The following MYO5B variants were observed in gnomAD, a reference collection of about 807,000 sequenced individuals.
MYO5B encodes the protein myosin VB, also known as unconventional myosin-Vb.
In MYO5B, 143 loss-of-function variants were observed where a neutral mutation model predicts 229.3. The observed-to-expected ratio is 0.62, with a 90% CI of 0.54 to 0.72. The LOEUF (loss-of-function observed/expected upper bound fraction) is 0.72, where lower values mean the gene tolerates loss of function less well. Among genes scored for constraint, MYO5B ranks in the 30% least tolerant of loss-of-function variants. The probability of loss-of-function intolerance (pLI) is 0.00; values close to 1 mark genes in which losing one functional copy is unlikely to be tolerated. For missense variants in MYO5B, 2,321 were observed against 2,331.0 expected (o/e 1.00, Z 0.09); for synonymous variants, 918 against 885.2 (o/e 1.04, Z -0.66).
intron 36 of MYO5B, 40 bp from the exon 37 acceptor site, chr18:49,837,842 C>A: frequency 6.2e-7 from 1 of 1,608,850 alleles, no homozygotes; most frequent in Non-Finnish European, 8.5e-7. Flanking sequence ...GCATTCCCCA[C>A]TAACAATGCA....
intron 4 of MYO5B, among the ~76,000 whole-genome samples, chr18:50,024,059 A>C (rs1385853145): frequency 6.6e-6 from 1 of 152,212 alleles, no homozygotes; most frequent in Non-Finnish European, 1.5e-5. Context: ...CAGGAAGAAA[A>C]ATCTCTGCTT....
At chr18:50,083,322 TTGA>T (rs1298150688) in intron 1 of MYO5B, among the ~76,000 whole-genome samples, 1 of 152,120 alleles carries the variant, frequency 6.6e-6, no homozygotes, top group Non-Finnish European at 1.5e-5. Flanking sequence ...AGATTAGCCA[TTGA>T]TGATTGACTC....
intron 1 of MYO5B, among the ~76,000 whole-genome samples, chr18:50,191,838 G>A (rs946801958): frequency 6.6e-6 from 1 of 152,200 alleles, no homozygotes; most frequent in Non-Finnish European, 1.5e-5. Context: ...CACTAAGAAA[G>A]TTAAGTCATC....
In MYO5B at chr18:49,962,955, G is replaced by A. The variant is rs765665338; in HGVS notation, c.1398C>T (p.Phe466=). ...NYANEKLQQQ[F]NSHVFKLEQE... is the part of the protein sequence containing the mutation. ...GTCTAGAAACCAAGCCTACCGAGTT[G>A]AACTGCTGCTGGAGCTTTTCATTTG... The change falls in exon 11 of 40, where the codon TTC becomes TTT. Residue 466 remains phenylalanine (F), a synonymous_variant. Coordinates refer to ENST00000285039, the MANE Select transcript of MYO5B (RefSeq NM_001080467.3). 3.7e-6 allele frequency: 6 copies of A among 1,613,940 alleles called. No homozygotes were observed. The highest frequency in any genetic ancestry group is 5.1e-6 in the Non-Finnish European group (6 of 1,179,834).
intron 14 of MYO5B, among the ~76,000 whole-genome samples, chr18:49,944,079 T>C (rs1473344260): frequency 6.6e-6 from 1 of 152,156 alleles, no homozygotes; most frequent in Non-Finnish European, 1.5e-5. Flanking sequence ...AGAATTTTTA[T>C]TTTTATCCTA....
chr18:50,118,259 G>C (rs2031998337), intron 1 of MYO5B, among the ~76,000 whole-genome samples: 1 of 152,154 alleles, frequency 6.6e-6, no homozygotes, highest in African/African-American at 2.4e-5. Context: ...GGTCACCATA[G>C]GACCAGCAGA....
intron 2 of MYO5B, among the ~76,000 whole-genome samples, chr18:50,043,398 TATATTAA>T (rs1196972374): frequency 0.05 from 2,975 of 59,100 alleles, 55 homozygotes; most frequent in Non-Finnish European, 0.079. Flanking sequence ...TATATTTAAA[TATATTAA>T]ATATTAAATA....
At chr18:49,894,335 G>A (rs1356003019) in intron 22 of MYO5B, among the ~76,000 whole-genome samples, 1 of 152,168 alleles carries the variant, frequency 6.6e-6, no homozygotes, top group Non-Finnish European at 1.5e-5. Context: ...TCTGTGGGGG[G>A]GTCTCCAGGG....
Position 49,929,703 on chromosome 18 carries a change from T to G in MYO5B, c.2004-105A>C, listed in dbSNP as rs1731958133. 7.0e-6 allele frequency: 7 copies of G among 994,492 alleles called. No homozygotes were observed. In the East Asian group the frequency reaches 7.8e-5, roughly 11 times the overall value. 61.6% of individuals were successfully genotyped at this position (994,492 alleles called of 1,614,324 possible). A position where few individuals can be genotyped will look rare whatever the true frequency, so the allele number is the denominator to read the frequency against. ...CTTTTCCTGCAGCATGTGAAGTACC[T>G]GCTGCCACTGAGTTACAGCCACTGA... On this transcript the variant is annotated intron_variant, in intron 16 of 39. Transcript: ENST00000285039.
chr18:50,118,614 A>T (rs1317156530), intron 1 of MYO5B, among the ~76,000 whole-genome samples: 1 of 146,852 alleles, frequency 6.8e-6, no homozygotes, highest in Non-Finnish European at 1.5e-5. Flanking sequence ...TACATGTGCC[A>T]TGTTGGCATT....
chr18:50,012,190 G>A (rs2026169064), intron 4 of MYO5B, among the ~76,000 whole-genome samples: 2 of 152,160 alleles, frequency 1.3e-5, no homozygotes, highest in South Asian at 4.2e-4. Flanking sequence ...TATTCTACTA[G>A]AACATGAGTT....
chr18:50,152,895 A>T (rs2032622379), intron 1 of MYO5B, among the ~76,000 whole-genome samples: 1 of 152,050 alleles, frequency 6.6e-6, no homozygotes, highest in Non-Finnish European at 1.5e-5. Context: ...AATCACACTG[A>T]AAAGAAACAC....
At chr18:50,137,521 G>A (rs1026351294) in intron 1 of MYO5B, among the ~76,000 whole-genome samples, 5 of 152,154 alleles carry the variant, frequency 3.3e-5, no homozygotes, top group Admixed American at 6.5e-5. Flanking sequence ...GACTATTGCA[G>A]CTCTGTCAAT....
intron 5 of MYO5B, among the ~76,000 whole-genome samples, chr18:49,994,362 G>A (rs140601020): frequency 4.1e-4 from 63 of 152,368 alleles, no homozygotes; most frequent in South Asian, 8.3e-4. Flanking sequence ...CTTGTGAAAT[G>A]TAAGTATTGG....
At chr18:50,181,892 C>T (rs1375087293) in intron 1 of MYO5B, among the ~76,000 whole-genome samples, 2 of 152,182 alleles carry the variant, frequency 1.3e-5, no homozygotes, top group Non-Finnish European at 2.9e-5. Flanking sequence ...TATTATCCCT[C>T]ATTACGGAAT....
At chr18:50,068,425 G>C (rs1439304973) in intron 1 of MYO5B, among the ~76,000 whole-genome samples, 1 of 152,162 alleles carries the variant, frequency 6.6e-6, no homozygotes, top group African/African-American at 2.4e-5. Flanking sequence ...CCATTGCCCT[G>C]GCTCCAAGGC....
intron 1 of MYO5B, among the ~76,000 whole-genome samples, chr18:50,154,161 T>G (rs1020756887): frequency 1.3e-5 from 2 of 152,158 alleles, no homozygotes; most frequent in Non-Finnish European, 2.9e-5. Flanking sequence ...GCCCAGAGAA[T>G]AGCAGTGGCT....
At chr18:50,096,165 C>T (rs57590770) in intron 1 of MYO5B, among the ~76,000 whole-genome samples, 20,551 of 152,104 alleles carry the variant, frequency 0.14, 1,468 homozygotes, top group East Asian at 0.23. Flanking sequence ...TATGTTGAAC[C>T]ACATTAAATA....
intron 10 of MYO5B, among the ~76,000 whole-genome samples, chr18:49,967,653 G>C (rs1168212510): frequency 1.3e-5 from 2 of 152,166 alleles, no homozygotes; most frequent in Non-Finnish European, 2.9e-5. Flanking sequence ...CATGCATTGA[G>C]GTCAGAGAAA....
Sources: allele counts gnomAD v4.1 joint callset (sites outside exome capture counted in the v4.1 genomes callset), GRCh38; gene constraint gnomAD v4.1.1; transcripts MANE v1.5; gene names NCBI Gene and HGNC (gene_info 2026-07-23, HGNC 2026-07-21).